Variants in ARHGEF3 observed in about 807,000 individuals in gnomAD.
ARHGEF3 encodes 59.8 kDA protein.
ARHGEF3 carries 28 observed loss-of-function variants against 63.2 expected under a neutral mutation model. The observed-to-expected ratio is 0.44, with a 90% CI of 0.33 to 0.61. ARHGEF3 has a LOEUF of 0.61. ARHGEF3 is among the 20% of genes least tolerant of loss of function. ARHGEF3 has a pLI of 0.03. For missense variants in ARHGEF3, 533 were observed against 659.3 expected, an observed-to-expected ratio of 0.81 and a Z score of 2.10; for synonymous variants, 266 against 254.2, an observed-to-expected ratio of 1.05 and a Z score of -0.44.
chr3:56,963,151 A>T (rs1299535789), intron 2 of ARHGEF3, among the ~76,000 whole-genome samples: 2 of 151,994 alleles, frequency 1.3e-5, no homozygotes, highest in Non-Finnish European at 2.9e-5. Flanking sequence ...CCATTTTCTC[A>T]TCTGTAAAGT....
At position 57,026,653 on chromosome 3, in the gene ARHGEF3, G is replaced by A. The variant is rs150047793; in HGVS notation, c.62+8435C>T. 5.0e-3 allele frequency among the ~76,000 whole-genome samples: 759 copies of A among 152,262 alleles called. 4 individuals carry two copies. Among genetic ancestry groups the A allele is most frequent in the African/African-American group, 0.016 (676 of 41,538 alleles). On this transcript the variant is annotated intron_variant, in intron 2 of 12. Transcript: ENST00000338458. ...CCATCTACCCTACCTGGACAGGGCC[G>A]GGGGAGCATCCTCTTCACCAGATGA...
chr3:57,000,123 C>T (rs187734181), intron 2 of ARHGEF3, among the ~76,000 whole-genome samples: 38 of 152,190 alleles, frequency 2.5e-4, no homozygotes, highest in Non-Finnish European at 4.4e-4. Context: ...AATGCTTGCC[C>T]GAGTGCCTGG....
chr3:56,913,449 A>C lies in ARHGEF3; in HGVS notation c.130-31095T>G, dbSNP rs367762199. 9.4e-4 allele frequency among the ~76,000 whole-genome samples: 143 copies of C among 152,302 alleles called. 4 individuals carry two copies. In the South Asian group the frequency reaches 0.024, roughly 26 times the overall value. ...TCAGAGAAATTCAAATCAAAACTACAAGGTGATACCACTTCACACCTATTA... is the reference window on the plus strand; with the variant it reads ...TCAGAGAAATTCAAATCAAAACTACCAGGTGATACCACTTCACACCTATTA... On this transcript the variant is annotated intron_variant, in intron 3 of 12. Coordinates refer to the ARHGEF3 transcript ENST00000338458.
chr3:56,926,599 C>T (rs1578861934), intron 3 of ARHGEF3, among the ~76,000 whole-genome samples: 1 of 152,314 alleles, frequency 6.6e-6, no homozygotes, highest in Middle Eastern at 3.4e-3. Flanking sequence ...AATAAGTCTG[C>T]CCTTCCAACA....
intron 4 of ARHGEF3, among the ~76,000 whole-genome samples, chr3:56,846,519 T>C (rs931456747): frequency 2.6e-5 from 4 of 152,300 alleles, no homozygotes; most frequent in African/African-American, 7.2e-5. Context: ...TTTTGTCACA[T>C]GGATATATTG....
chr3:56,836,978 CA>C (rs2039134359), intron 4 of ARHGEF3, among the ~76,000 whole-genome samples: 1 of 152,138 alleles, frequency 6.6e-6, no homozygotes. Flanking sequence ...GTGAAAGAAT[CA>C]GTCTGCATTA....
intron 1 of ARHGEF3, among the ~76,000 whole-genome samples, chr3:57,046,948 T>C (rs1704478239): frequency 6.6e-6 from 1 of 152,230 alleles, no homozygotes; most frequent in South Asian, 2.1e-4. Context: ...TGTGATTCCA[T>C]AATACCATAA....
At position 56,854,759 on chromosome 3, in the gene ARHGEF3, A is replaced by G. The variant is rs372696499; in HGVS notation, c.192+27533T>C. The stretch of plus-strand genomic sequence containing the variant: ...ATAGGTACTATTTGGGGGGATGCAA[A>G]TACCTAGAGGGGTGGGGGGGTTGGG... On this transcript the variant is annotated intron_variant, in intron 4 of 12. Transcript: ENST00000338458. 4.0e-4 allele frequency among the ~76,000 whole-genome samples: 46 copies of G among 115,814 alleles called. 1 individual carries two copies. The East Asian group carries it at 0.011, about 27-fold the overall frequency. 76.0% of individuals were successfully genotyped at this position (115,814 alleles called of 152,430 possible).
At chr3:56,961,605 T>C (rs1387519338) in intron 2 of ARHGEF3, among the ~76,000 whole-genome samples, 1 of 150,752 alleles carries the variant, frequency 6.6e-6, no homozygotes, top group East Asian at 2.0e-4. Context: ...CGGGATACTG[T>C]TGGGCAACTT....
chr3:56,950,606 C>T (rs1474706940), intron 3 of ARHGEF3, among the ~76,000 whole-genome samples: 5 of 151,964 alleles, frequency 3.3e-5, no homozygotes, highest in East Asian at 1.9e-4. Context: ...GTTAGAATGG[C>T]GATCATTAAA....
Position 56,810,514 on chromosome 3 carries a change from G to A in ARHGEF3, c.193-36698C>T, listed in dbSNP as rs377726450. Among the ~76,000 whole-genome samples, 63 of 152,244 alleles carry A rather than the reference G, an allele frequency of 4.1e-4. 1 individual carries two copies. The highest frequency in any genetic ancestry group is 1.5e-3 in the African/African-American group (61 of 41,546). Reference sequence around the variant, plus strand: ...TGCACTCCGGCCTGGGTGACAGAGAGAGACTGAGTCTCAAAAACAAAAAGA... The same window carrying A: ...TGCACTCCGGCCTGGGTGACAGAGAAAGACTGAGTCTCAAAAACAAAAAGA... On this transcript the variant is annotated intron_variant, in intron 4 of 12. Coordinates refer to the ARHGEF3 transcript ENST00000338458.
chr3:56,909,453 T>C (rs1227582742), intron 3 of ARHGEF3, among the ~76,000 whole-genome samples: 1 of 152,258 alleles, frequency 6.6e-6, no homozygotes, highest in Non-Finnish European at 1.5e-5. Flanking sequence ...TTTCACGGCA[T>C]GTGGCCTCTC....
At chr3:56,879,708 C>T (rs928094614) in intron 4 of ARHGEF3, among the ~76,000 whole-genome samples, 2 of 151,366 alleles carry the variant, frequency 1.3e-5, no homozygotes, top group South Asian at 4.2e-4. Flanking sequence ...AACAACTCTT[C>T]AGTAATACTG....
intron 2 of ARHGEF3, among the ~76,000 whole-genome samples, chr3:56,756,060 A>G (rs1039774800): frequency 3.9e-5 from 6 of 152,346 alleles, no homozygotes; most frequent in Non-Finnish European, 1.5e-5. Flanking sequence ...TTTGCAGCAC[A>G]TGATTCCTGT....
At chr3:56,975,247 G>T (rs532786202) in intron 2 of ARHGEF3, among the ~76,000 whole-genome samples, 5 of 151,982 alleles carry the variant, frequency 3.3e-5, no homozygotes, top group Non-Finnish European at 5.9e-5. Flanking sequence ...GTGAAATTCC[G>T]TCTCTACTAA....
rs554876521 is a variant in ARHGEF3, at chr3:56,950,985, TG to T, written c.129+7837del. On this transcript the variant is annotated intron_variant, in intron 3 of 12. Coordinates refer to the ARHGEF3 transcript ENST00000338458. Reference sequence around the variant, plus strand: ...TGAGTTCATGTCCTTTGTAGGGACATGGATGAAGCTGGAAACCATCATTCTC... The same window carrying T: ...TGAGTTCATGTCCTTTGTAGGGACATGATGAAGCTGGAAACCATCATTCTC... Among the ~76,000 whole-genome samples the T allele has an allele frequency of 1.2e-3, 186 of 152,000 alleles. 4 individuals carry two copies. Among genetic ancestry groups the T allele is most frequent in the African/African-American group, 4.4e-3 (180 of 41,328 alleles).
chr3:57,020,016 A>G (rs912592442), intron 2 of ARHGEF3, among the ~76,000 whole-genome samples: 6 of 152,194 alleles, frequency 3.9e-5, no homozygotes, highest in Non-Finnish European at 8.8e-5. Context: ...CTCCTGCCTC[A>G]GCCTCCCAAG....
chr3:56,814,595 A>G (rs181411707), intron 4 of ARHGEF3, among the ~76,000 whole-genome samples: 1 of 152,344 alleles, frequency 6.6e-6, no homozygotes, highest in Non-Finnish European at 1.5e-5. Context: ...TATGTATGTC[A>G]GATTTCTAAG....
At position 56,818,547 on chromosome 3, in the gene ARHGEF3, A is replaced by G. The variant is rs769119970; in HGVS notation, c.193-44731T>C. 1.0e-4 allele frequency among the ~76,000 whole-genome samples: 16 copies of G among 152,386 alleles called. No individual in the cohort carries two copies. The South Asian group carries it at 1.2e-3, about 12-fold the overall frequency. ...GAAAAAAGACCTGGATCAAACTGAT[A>G]GAAGTTGAGCTGCTGCTCAAGATGT... On this transcript the variant is annotated intron_variant, in intron 4 of 12. Transcript: ENST00000338458.
Sources: allele counts gnomAD v4.1 joint callset (sites outside exome capture counted in the v4.1 genomes callset), GRCh38; gene constraint gnomAD v4.1.1; transcripts MANE v1.5; gene names NCBI Gene and HGNC (gene_info 2026-07-23, HGNC 2026-07-21).